The following NUP205 variants were observed in gnomAD, a reference collection of about 807,000 sequenced individuals.
NUP205 encodes nucleoporin 205, also known as nuclear pore complex protein Nup205.
NUP205 carries 76 observed loss-of-function variants against 253.8 expected under a neutral mutation model. The ratio of observed to expected loss-of-function variants is 0.30; its 90% CI spans 0.25 to 0.36. The LOEUF is 0.36. Among genes scored for constraint, NUP205 ranks in the 10% least tolerant of loss-of-function variants. NUP205 has a pLI of 1.00. For missense variants in NUP205, 2,162 were observed against 2,425.5 expected, an observed-to-expected ratio of 0.89 and a Z score of 2.28; for synonymous variants, 832 against 850.1, an observed-to-expected ratio of 0.98 and a Z score of 0.37.
At chr7:135,585,931 G>C (rs2129490084) in intron 8 of NUP205, among the ~76,000 whole-genome samples, 1 of 152,306 alleles carries the variant, frequency 6.6e-6, no homozygotes, top group South Asian at 2.1e-4. Flanking sequence ...TAACACAAAG[G>C]CTGCTTTTGA....
intron 30 of NUP205, 44 bp downstream of exon 30, chr7:135,619,932 G>A: frequency 7.9e-7 from 1 of 1,266,538 alleles, no homozygotes; most frequent in Non-Finnish European, 1.1e-6. Context: ...TTGGGAGATG[G>A]TTACTTTAAA....
chr7:135,612,484 G>A (rs1794264562), intron 22 of NUP205, among the ~76,000 whole-genome samples: 1 of 152,166 alleles, frequency 6.6e-6, no homozygotes. Context: ...TAGGGACAAG[G>A]CAGCATTTCA....
chr7:135,626,530 A>G (rs957673559), intron 33 of NUP205, among the ~76,000 whole-genome samples, 169 bp downstream of exon 33: 10 of 152,298 alleles, frequency 6.6e-5, no homozygotes, highest in South Asian at 2.1e-4. Context: ...AGTTGCTACT[A>G]GGGAAAAAGT....
chr7:135,600,307 T>C (rs1793939623), intron 15 of NUP205, among the ~76,000 whole-genome samples: 1 of 152,196 alleles, frequency 6.6e-6, no homozygotes, highest in African/African-American at 2.4e-5. Flanking sequence ...CTACCAGTGA[T>C]TGTGTCTTCT....
chr7:135,611,658 T>A (rs1375196090), intron 22 of NUP205, among the ~76,000 whole-genome samples: 2 of 152,298 alleles, frequency 1.3e-5, no homozygotes, highest in East Asian at 1.9e-4. Flanking sequence ...GTTTTTTTTT[T>A]ACTCTGCTGT....
intron 1 of NUP205, among the ~76,000 whole-genome samples, chr7:135,567,071 T>C (rs1318589018): frequency 1.4e-5 from 2 of 140,876 alleles, no homozygotes; most frequent in Non-Finnish European, 3.1e-5. Context: ...GTCAGTCTTA[T>C]CAATTTGTAA....
chr7:135,616,791 A>G, intron 25 of NUP205, 65 bp downstream of exon 25: 3 of 970,256 alleles, frequency 3.1e-6, no homozygotes, highest in Non-Finnish European at 4.4e-6. Flanking sequence ...AAAAAACTTC[A>G]AGGGATTATT....
intron 18 of NUP205, among the ~76,000 whole-genome samples, chr7:135,604,044 A>G (rs558335439): frequency 6.6e-6 from 1 of 152,260 alleles, no homozygotes; most frequent in South Asian, 2.1e-4. Flanking sequence ...GACACCAGTC[A>G]TATTTTATTA....
rs536148589 is a variant in NUP205, at chr7:135,645,180, A to G, written c.5683+162A>G. ...TTTCCAAATCATAGTTTTTGTTCTT[A>G]TCTTTTAGAGTAGCTGGTAATACTG... On this transcript the variant is annotated intron_variant, in intron 40 of 42. Transcript: ENST00000285968. Among the ~76,000 whole-genome samples, 27 of 152,306 alleles carry G rather than the reference A, an allele frequency of 1.8e-4. No individual in the cohort carries two copies. The South Asian group carries it at 5.6e-3, about 32-fold the overall frequency.
At chr7:135,616,178 TTAGAATTTTTTTTTC>T (rs1370374817) in intron 24 of NUP205, 113 bp downstream of exon 24, 38 of 952,782 alleles carry the variant, frequency 4.0e-5, no homozygotes, top group South Asian at 3.4e-4. Context: ...CTTCTCACTT[TTAGAATTTTTTTTTC>T]TTAAAACACA....
rs931397109 is a variant in NUP205, at chr7:135,578,843, G to T, written c.970G>T (p.Gly324Trp). 6.2e-7 allele frequency: 1 copy of T among 1,612,070 alleles called. No individual in the cohort carries two copies. The highest frequency in any genetic ancestry group is 8.5e-7 in the Non-Finnish European group (1 of 1,179,268). ...GGACTCACAGCTTTGGAAACTGCCT[G>T]GGCTCCAAGCCACTGTTAGACTTGC... is the stretch of plus-strand genomic sequence containing the variant. ...LQDSQLWKLP[G>W]LQATVRLAWA... Residue 324 changes from glycine to tryptophan, a missense_variant, in exon 7 of 43, where the codon GGG becomes TGG. Gly to Trp is a radical substitution (Grantham distance 184). Around this residue, in one of 5 missense-constraint regions of NUP205, gnomAD observed 892 missense variants for 957.1 expected, o/e 0.93. Transcript: ENST00000285968.
In NUP205 at chr7:135,648,391, G is replaced by C; in HGVS notation, c.5887-13G>C. On this transcript the variant is annotated splice_polypyrimidine_tract_variant and intron_variant, in intron 42 of 42. Transcript: ENST00000285968. ...CAACAATTTTAACAAAATGTCTTTT[G>C]TGTCACCGCTAGCTTCAGGCTGATG... 1 of 1,541,200 alleles carries C rather than the reference G, an allele frequency of 6.5e-7. No individual in the cohort carries two copies. Among genetic ancestry groups the C allele is most frequent in the Non-Finnish European group, 8.7e-7 (1 of 1,150,240 alleles).
At position 135,583,921 on chromosome 7, in the gene NUP205, A is replaced by G. The variant is rs991301242; in HGVS notation, c.1043-911A>G. ...CAATGGCGTGATCGTGGCTTACCGCAACCTCCGCCTTCTGGGTTCAAGCGA... is the reference window on the plus strand; with the variant it reads ...CAATGGCGTGATCGTGGCTTACCGCGACCTCCGCCTTCTGGGTTCAAGCGA... On this transcript the variant is annotated intron_variant, in intron 7 of 42. Transcript: ENST00000285968. 6.8e-5 allele frequency among the ~76,000 whole-genome samples: 10 copies of G among 147,022 alleles called. No homozygotes were observed. The Admixed American group carries it at 7.0e-4, about 10-fold the overall frequency.
chr7:135,566,738 C>T (rs146561420), intron 1 of NUP205, among the ~76,000 whole-genome samples: 3,828 of 151,644 alleles, frequency 0.025, 79 homozygotes, highest in South Asian at 0.077. Flanking sequence ...TTTGTTTTTT[C>T]GTTTTGTTTT....
intron 18 of NUP205, 107 bp downstream of exon 18, chr7:135,603,101 G>T (rs1793997954): frequency 2.8e-5 from 19 of 688,824 alleles, no homozygotes; most frequent in South Asian, 5.5e-5. Flanking sequence ...TTTTATTTTT[G>T]CCTCATTTTA....
At chr7:135,594,799 C>A in intron 13 of NUP205, 70 bp downstream of exon 13, 1 of 1,170,838 alleles carries the variant, frequency 8.5e-7, no homozygotes, top group Non-Finnish European at 1.2e-6. Context: ...ACCATAGAAG[C>A]AAGAACATGC....
chr7:135,595,775 A>C (rs1328902291), intron 13 of NUP205, among the ~76,000 whole-genome samples: 2 of 152,096 alleles, frequency 1.3e-5, no homozygotes, highest in Non-Finnish European at 2.9e-5. Context: ...ATTTTCTATC[A>C]GGTATAATTA....
At chr7:135,573,858 A>C (rs1310977705) in intron 3 of NUP205, 33 bp downstream of exon 3, 4 of 1,521,474 alleles carry the variant, frequency 2.6e-6, no homozygotes, top group Admixed American at 3.8e-5. Context: ...CAGTGGTAAA[A>C]TAATGCAAAA....
intron 17 of NUP205, among the ~76,000 whole-genome samples, chr7:135,602,224 A>G (rs1422921384): frequency 2.6e-5 from 4 of 152,242 alleles, no homozygotes; most frequent in African/African-American, 9.6e-5. Context: ...AAGACACTAT[A>G]GGAAGAATTA....
Sources: allele counts gnomAD v4.1 joint callset (sites outside exome capture counted in the v4.1 genomes callset), GRCh38; gene constraint gnomAD v4.1.1; regional missense constraint gnomAD v4.1.1; transcripts MANE v1.5; gene names NCBI Gene and HGNC (gene_info 2026-07-23, HGNC 2026-07-21).